The following ATP1B4 variants were observed in gnomAD, a reference collection of about 807,000 sequenced individuals.
ATP1B4 encodes the protein protein ATP1B4.
In ATP1B4, 32 loss-of-function variants were observed where a neutral mutation model predicts 29.6. The ratio of observed to expected loss-of-function variants is 1.08; its 90% CI spans 0.82 to 1.45. The LOEUF (loss-of-function observed/expected upper bound fraction) is 1.45, where lower values mean the gene tolerates loss of function less well. Ranked by LOEUF, ATP1B4 falls within the 40% of genes most tolerant of loss-of-function variation. The probability of loss-of-function intolerance (pLI) is 0.00; values close to 1 mark genes in which losing one functional copy is unlikely to be tolerated. For missense variants in ATP1B4, 323 were observed against 276.2 expected (o/e 1.17, Z -1.20); for synonymous variants, 127 against 102.1 (o/e 1.24, Z -1.47).
Position 120,382,772 on chromosome X carries a change from A to G in ATP1B4, c.*3138A>G, listed in dbSNP as rs1005338244. On this transcript the variant is annotated 3_prime_UTR_variant, in exon 8 of 8. Transcript: ENST00000218008. ...AATTATGAATCATTTGTCAAATAAT[A>G]TTTATCTTTCAATGGAATCCATTGT... 8.9e-6 allele frequency: 1 copy of G among 112,307 alleles called. No individual in the cohort carries two copies. Among genetic ancestry groups the G allele is most frequent in the Non-Finnish European group, 1.9e-5 (1 of 53,228 alleles). The allele number at this position is 112,307 out of a possible 1,213,427, so 9.3% of individuals were successfully genotyped here.
Position 120,370,702 on chromosome X carries a change from G to C in ATP1B4, c.329-13G>C. ...GCAAGCACTGACCACTCTCATCTGTGATTGCTCTGCAGGCCTGATCTTACT... is the reference window on the plus strand; with the variant it reads ...GCAAGCACTGACCACTCTCATCTGTCATTGCTCTGCAGGCCTGATCTTACT... On this transcript the variant is annotated splice_polypyrimidine_tract_variant and intron_variant, in intron 2 of 7. Transcript: ENST00000218008. 1 of 1,209,264 alleles carries C rather than the reference G, an allele frequency of 8.3e-7. No homozygotes were observed. The highest frequency in any genetic ancestry group is 1.1e-6 in the Non-Finnish European group (1 of 894,597).
intron 5 of ATP1B4, among the ~76,000 whole-genome samples, chrX:120,376,102 T>C (rs1170434611): frequency 7.2e-5 from 8 of 111,571 alleles, no homozygotes; most frequent in Non-Finnish European, 7.5e-5. Context: ...GTCACACCTC[T>C]CTTGAAATTA....
At chrX:120,370,932 C>G in intron 3 of ATP1B4, 89 bp downstream of exon 3, 3 of 1,107,932 alleles carry the variant, frequency 2.7e-6, no homozygotes, top group Non-Finnish European at 3.7e-6. Flanking sequence ...AACTTTGGCT[C>G]TTCCTGGTAA....
In ATP1B4 at chrX:120,375,493, G is replaced by C; in HGVS notation, c.684G>C (p.Lys228Asn). The change falls in exon 5 of 8, where the codon AAG (lysine) becomes AAC (asparagine). Residue 228 changes from lysine (K) to asparagine (N), a missense_variant. By Grantham distance (94) the Lys-to-Asn change is moderately conservative (BLOSUM62 0). Coordinates refer to ENST00000218008, the MANE Select transcript of ATP1B4 (RefSeq NM_001142447.3). ...GCCAATTTAAGCGCTCCTTCCTAAAGAACTGCTCTGGTCTGGAGGACCCAA... is the reference window on the plus strand; with the variant it reads ...GCCAATTTAAGCGCTCCTTCCTAAACAACTGCTCTGGTCTGGAGGACCCAA... The part of the protein sequence containing the change: ...KACQFKRSFL[K>N]NCSGLEDPTF... 8.3e-7 allele frequency: 1 copy of C among 1,211,388 alleles called. No individual in the cohort carries two copies. The highest frequency in any genetic ancestry group is 1.1e-6 in the Non-Finnish European group (1 of 895,369).
Position 120,379,565 on chromosome X carries a change from C to T in ATP1B4, c.1005C>T (p.Gly335=), listed in dbSNP as rs2058372717. ...TGCAGTGCCAACTGAAGGGCAAAGGCGTCATAAATGATGTCATCAATGATC... is the reference window on the plus strand; with the variant it reads ...TGCAGTGCCAACTGAAGGGCAAAGGTGTCATAAATGATGTCATCAATGATC... ...VPVQCQLKGK[G]VINDVINDRF... The change falls in exon 8 of 8, where the codon GGC becomes GGT. Residue 335 remains glycine (G), a synonymous_variant. Transcript: ENST00000218008. 4 of 1,209,248 alleles carry T rather than the reference C, an allele frequency of 3.3e-6. No homozygotes were observed. Among genetic ancestry groups the T allele is most frequent in the African/African-American group, 1.8e-5 (1 of 57,138 alleles).
chrX:120,364,670 G>A (rs1279109270), intron 1 of ATP1B4, among the ~76,000 whole-genome samples: 1 of 112,393 alleles, frequency 8.9e-6, no homozygotes, highest in Non-Finnish European at 1.9e-5. Context: ...CTTACACTGT[G>A]AGCCTATGTC....
intron 1 of ATP1B4, among the ~76,000 whole-genome samples, chrX:120,362,717 A>G (rs748218097): frequency 2.7e-5 from 3 of 111,747 alleles, no homozygotes; most frequent in South Asian, 3.8e-4. Context: ...AGAATCCCCA[A>G]TAGGAGCAGG....
At chrX:120,373,164 G>A (rs1398212680) in intron 4 of ATP1B4, among the ~76,000 whole-genome samples, 8 of 111,788 alleles carry the variant, frequency 7.2e-5, no homozygotes, top group Non-Finnish European at 1.3e-4. Context: ...ACTCCCATGA[G>A]GACTGGGATT....
At chrX:120,378,841 A>T (rs2058369011) in intron 7 of ATP1B4, 68 bp downstream of exon 7, 1 of 976,235 alleles carries the variant, frequency 1.0e-6, no homozygotes, top group Non-Finnish European at 1.5e-6. Flanking sequence ...GCTGGCTGGG[A>T]TCTATGAGAA....
intron 1 of ATP1B4, among the ~76,000 whole-genome samples, chrX:120,365,309 C>G (rs1248784560): frequency 4.5e-5 from 5 of 112,293 alleles, no homozygotes; most frequent in Non-Finnish European, 9.4e-5. Flanking sequence ...GGCTTATAAT[C>G]AAGAGCTAGA....
At position 120,375,550 on chromosome X, in the gene ATP1B4, C is replaced by A; in HGVS notation, c.741C>A (p.Ile247=). Residue 247 remains isoleucine, a synonymous_variant, in exon 5 of 8, where the codon ATC becomes ATA. Transcript: ENST00000218008. ...TFGYSTGQPC[I]LLKMNRIVGF... The stretch of plus-strand genomic sequence containing the variant: ...GATACTCTACTGGACAGCCCTGCAT[C>A]CTTCTAAAGATGAACCGGGTATATT... The A allele has an allele frequency of 8.3e-7, 1 of 1,207,064 alleles. No homozygotes were observed. The highest frequency in any genetic ancestry group is 1.1e-6 in the Non-Finnish European group (1 of 893,547).
chrX:120,370,673 G>C (rs2058308335), intron 2 of ATP1B4, 42 bp from the exon 3 acceptor site: 3 of 1,200,347 alleles, frequency 2.5e-6, no homozygotes, highest in African/African-American at 1.7e-5. Context: ...GGAAGAGCTT[G>C]TTGGCAAGCA....
intron 5 of ATP1B4, 44 bp from the exon 6 acceptor site, chrX:120,376,336 A>T (rs1187253161): frequency 3.4e-6 from 4 of 1,174,808 alleles, no homozygotes; most frequent in Non-Finnish European, 4.6e-6. Context: ...ACTGTCAAAT[A>T]TGTTTTGTTA....
intron 3 of ATP1B4, 115 bp downstream of exon 3, chrX:120,370,958 A>T: frequency 1.9e-6 from 2 of 1,059,329 alleles, no homozygotes; most frequent in Non-Finnish European, 2.6e-6. Flanking sequence ...TAGAGATTCA[A>T]TTATTAGGAG....
At chrX:120,374,781 ATATATTATATACCCT>A (rs2058340756) in intron 4 of ATP1B4, among the ~76,000 whole-genome samples, 1 of 651 alleles carries the variant, frequency 1.5e-3, no homozygotes, top group Non-Finnish European at 3.6e-3. Flanking sequence ...TATAATATAT[ATATATTATATACCCT>A]TATATATATT....
intron 1 of ATP1B4, among the ~76,000 whole-genome samples, chrX:120,362,436 A>G (rs2058266620): frequency 9.0e-6 from 1 of 111,566 alleles, no homozygotes; most frequent in Non-Finnish European, 1.9e-5. Context: ...AAAAGGAGGA[A>G]GCCCCTCTTC....
rs185724374 is a variant in ATP1B4 at position 120,378,128 on chromosome X, G to C, written c.817-550G>C. ...ACAGAGAATATGGTCAGAGACATGA[G>C]TCTAGGTGAGCCAACTGTAGGCTGT... On this transcript the variant is annotated intron_variant, in intron 6 of 7. Transcript: ENST00000218008. Among the ~76,000 whole-genome samples the C allele has an allele frequency of 4.7e-4, 53 of 111,756 alleles. 1 individual carries two copies. Among genetic ancestry groups the C allele is most frequent in the Admixed American group, 4.3e-3 (45 of 10,541 alleles).
At position 120,362,103 on chromosome X, in the gene ATP1B4, C is replaced by A; in HGVS notation, c.-66C>A. ...CCCCAGCAACCAGTGTCTCCTGTAC[C>A]AGCAGAAGCTCCAGAACTCTCACCC... On this transcript the variant is annotated 5_prime_UTR_variant, in exon 1 of 8. Coordinates refer to ENST00000218008, the MANE Select transcript of ATP1B4 (RefSeq NM_001142447.3). The A allele has an allele frequency of 9.7e-7, 1 of 1,034,179 alleles. No individual in the cohort carries two copies. Among genetic ancestry groups the A allele is most frequent in the Non-Finnish European group, 1.4e-6 (1 of 735,824 alleles). 85.2% of individuals were successfully genotyped at this position (1,034,179 alleles called of 1,213,427 possible). A position where few individuals can be genotyped will look rare whatever the true frequency, so the allele number is the denominator to read the frequency against.
chrX:120,375,685 G>C, intron 5 of ATP1B4, 117 bp downstream of exon 5: 1 of 600,843 alleles, frequency 1.7e-6, no homozygotes, highest in Admixed American at 3.5e-5. Context: ...CCATTTTTCT[G>C]ACAGTATCAT....
Sources: gnomAD v4.1 joint callset for allele counts (sites outside exome capture counted in the v4.1 genomes callset) on GRCh38, gnomAD v4.1.1 for gene constraint, MANE v1.5 for transcripts, NCBI Gene and HGNC (gene_info 2026-07-23, HGNC 2026-07-21) for gene names.